Variants in ALOX15B observed in about 807,000 individuals in gnomAD.
ALOX15B encodes the protein arachidonate 15-lipoxygenase type B.
Under a neutral mutation model 73.8 loss-of-function variants are expected in ALOX15B, and 74 were observed. That is an observed-to-expected ratio of 1.00 (90% CI 0.83 to 1.22). The LOEUF (loss-of-function observed/expected upper bound fraction) is 1.22. ALOX15B is among the 50% of genes most tolerant of loss of function. The pLI is 0.00. For synonymous variants in ALOX15B, 353 were observed against 357.2 expected, an observed-to-expected ratio of 0.99 and a Z score of 0.13; for missense variants, 896 against 859.9, an observed-to-expected ratio of 1.04 and a Z score of -0.52.
Position 8,044,907 on chromosome 17 carries a change from G to A in ALOX15B, c.755G>A (p.Arg252His), listed in dbSNP as rs142322486. The A allele has an allele frequency of 4.5e-5, 72 of 1,613,900 alleles. No homozygotes were observed. The highest frequency in any genetic ancestry group is 1.9e-4 in the African/African-American group (14 of 74,944). The change falls in exon 6 of 14, where the codon CGC becomes CAC. Residue 252 changes from arginine (R) to histidine (H), a missense_variant. By Grantham distance (29) the Arg-to-His change is conservative. Coordinates refer to ENST00000380183, the MANE Select transcript of ALOX15B (RefSeq NM_001141.3). The stretch of plus-strand genomic sequence containing the variant: ...AATGGTCTCAACCCTGTCCTGATCC[G>A]CCGCTGTCACTACCTCCCAAAGAAC... ...FLNGLNPVLI[R>H]RCHYLPKNFP...
chr17:8,040,115 C>A (rs928710125), intron 3 of ALOX15B, 132 bp downstream of exon 3: 4 of 807,294 alleles, frequency 5.0e-6, no homozygotes, highest in African/African-American at 3.5e-5. Flanking sequence ...GGATCAGCAG[C>A]GTCTACAGGA....
At chr17:8,044,747 G>A (rs1390250459) in intron 5 of ALOX15B, 82 bp from the exon 6 acceptor site, 1 of 1,193,262 alleles carries the variant, frequency 8.4e-7, no homozygotes, top group Non-Finnish European at 1.2e-6. Context: ...TGGGAGCTGG[G>A]GTAACCCCGT....
Position 8,045,124 on chromosome 17 carries a change from G to A in ALOX15B, c.850-114G>A, listed in dbSNP as rs1976570057. 6.3e-6 allele frequency: 10 copies of A among 1,587,904 alleles called. No homozygotes were observed. The South Asian group carries it at 1.0e-4, about 16-fold the overall frequency. On this transcript the variant is annotated intron_variant, in intron 6 of 13. Transcript: ENST00000380183. ...GGACCTACCGCGTGCTGCGTGCCAA[G>A]CACACTCTCCCGAAACACACTCCTC... is the stretch of plus-strand genomic sequence containing the variant.
In ALOX15B at chr17:8,039,620, G is replaced by A. The variant is rs1230346569; in HGVS notation, c.367+15G>A. The A allele has an allele frequency of 1.5e-5, 18 of 1,177,564 alleles. No homozygotes were observed. Among genetic ancestry groups the A allele is most frequent in the Non-Finnish European group, 2.2e-5 (18 of 828,454 alleles). The allele number at this position is 1,177,564 out of a possible 1,614,324, so 72.9% of individuals were successfully genotyped here. On this transcript the variant is annotated intron_variant, in intron 2 of 13. Transcript: ENST00000380183. ...GGAGGGTACAGGTGAGGGGCGGGCC[G>A]GGCTGGGGCTGCAGGGGGAGCACAG...
In ALOX15B at chr17:8,047,064, G is replaced by A. The variant is rs776131969; in HGVS notation, c.1445G>A (p.Gly482Asp). 6.8e-6 allele frequency: 11 copies of A among 1,613,616 alleles called. No individual in the cohort carries two copies. In the African/African-American group the frequency reaches 1.2e-4, roughly 18 times the overall value. The change falls in exon 10 of 14, where the codon GGT (glycine) becomes GAT (aspartate). Residue 482 changes from glycine (G) to aspartate (D), a missense_variant. Transcript: ENST00000380183. Reference protein sequence around the residue: ...YYRDDGMQIWGAVERFVSEII... With the variant: ...YYRDDGMQIWDAVERFVSEII... ...CGTGATGATGGGATGCAGATCTGGG[G>A]TGCAGTGGAACGGTGAGGGGCCGTC...
intron 5 of ALOX15B, among the ~76,000 whole-genome samples, chr17:8,043,611 G>A (rs1025487072): frequency 2.6e-5 from 4 of 152,192 alleles, no homozygotes; most frequent in African/African-American, 9.7e-5. Context: ...CTGCTGGGGG[G>A]CAAGAGACTA....
chr17:8,045,664 C>T lies in ALOX15B; in HGVS notation c.1178C>T (p.Pro393Leu), dbSNP rs1359482693. 1 of 1,613,994 alleles carries T rather than the reference C, an allele frequency of 6.2e-7. No individual in the cohort carries two copies. The highest frequency in any genetic ancestry group is 2.2e-5 in the East Asian group (1 of 44,886). The stretch of plus-strand genomic sequence containing the variant: ...ACCCTGGCTACCCTGCGTCAGCTGC[C>T]CCACTGCCACCCTCTCTTCAAGGTC... ...VFTLATLRQL[P>L]HCHPLFKLLI... Residue 393 changes from proline to leucine, a missense_variant, in exon 8 of 14, where the codon CCC (proline) becomes CTC (leucine). By Grantham distance (98) the Pro-to-Leu change is moderately conservative. Transcript: ENST00000380183.
At position 8,045,311 on chromosome 17, in the gene ALOX15B, A is replaced by G. The variant is rs767381071; in HGVS notation, c.923A>G (p.Gln308Arg). ...ACCAATGTCATTAATGGGAAGCCTCAGTTCTCTGCGGCCCCAATGACCCTG... is the reference window on the plus strand; with the variant it reads ...ACCAATGTCATTAATGGGAAGCCTCGGTTCTCTGCGGCCCCAATGACCCTG... Reference protein sequence around the residue: ...IQTNVINGKPQFSAAPMTLLY... With the variant: ...IQTNVINGKPRFSAAPMTLLY... Residue 308 changes from glutamine to arginine, a missense_variant, in exon 7 of 14, where the codon CAG becomes CGG. Coordinates refer to ENST00000380183, the MANE Select transcript of ALOX15B (RefSeq NM_001141.3). 6.2e-7 allele frequency: 1 copy of G among 1,614,144 alleles called. No individual in the cohort carries two copies.
chr17:8,046,853 C>T (rs1402757130), intron 9 of ALOX15B, 54 bp from the exon 10 acceptor site: 1 of 1,611,394 alleles, frequency 6.2e-7, no homozygotes, highest in Non-Finnish European at 8.5e-7. Context: ...GACACCAGTG[C>T]TACCTCCTGC....
Position 8,047,379 on chromosome 17 carries a change from G to A in ALOX15B, c.1579G>A (p.Gly527Ser), listed in dbSNP as rs1976639775. 2 of 1,613,870 alleles carry A rather than the reference G, an allele frequency of 1.2e-6. No homozygotes were observed. Among genetic ancestry groups the A allele is most frequent in the East Asian group, 2.2e-5 (1 of 44,880 alleles). Residue 527 changes from glycine (G) to serine (S), a missense_variant and splice_region_variant, in exon 11 of 14, where the codon GGT becomes AGT. Gly to Ser is a moderately conservative substitution (Grantham distance 56, BLOSUM62 0). Transcript: ENST00000380183. ...GGGCTTCCTAAACCAGGAGAGCTCA[G>A]GTACAGGGACCTCAGCCCTCAGGCG... ...SKGFLNQESSGIPSSLETREA... is the reference protein window; with the variant it reads ...SKGFLNQESSSIPSSLETREA...
In ALOX15B at chr17:8,047,541, T is replaced by G. The variant is rs1242630957; in HGVS notation, c.1580-23T>G. 11 of 1,566,448 alleles carry G rather than the reference T, an allele frequency of 7.0e-6. No individual in the cohort carries two copies. In the Admixed American group the frequency reaches 7.4e-5, roughly 10 times the overall value. On this transcript the variant is annotated intron_variant, in intron 11 of 13. Transcript: ENST00000380183. ...GGTCCTCAGGTCCCTGGAAGCCCCA[T>G]CCCAGCCCAGCTCTCCTTGCAGGTA...
chr17:8,039,223 C>A lies in ALOX15B; in HGVS notation c.68C>A (p.Ser23Tyr). 1 of 1,610,744 alleles carries A rather than the reference C, an allele frequency of 6.2e-7. No homozygotes were observed. Among genetic ancestry groups the A allele is most frequent in the South Asian group, 1.1e-5 (1 of 90,524 alleles). The change falls in exon 1 of 14, where the codon TCT becomes TAT. Residue 23 changes from serine to tyrosine, a missense_variant. Transcript: ENST00000380183. ...GGGGCTGGCACATGGGACAAAGTGT[C>A]TGTCAGCATCGTGGGGACCCGGGGA... ...AFGAGTWDKV[S>Y]VSIVGTRGES...
Position 8,048,705 on chromosome 17 carries a change from C to A in ALOX15B, c.*140C>A. 1.2e-6 allele frequency: 1 copy of A among 853,832 alleles called. No homozygotes were observed. The highest frequency in any genetic ancestry group is 1.8e-6 in the Non-Finnish European group (1 of 570,250). 52.9% of individuals were successfully genotyped at this position (853,832 alleles called of 1,614,324 possible). A position where few individuals can be genotyped will look rare whatever the true frequency, so the allele number is the denominator to read the frequency against. ...GGACAACCAGACTCTGTAACTCACC[C>A]CCACCACCATACACACACACAAAAA... is the stretch of plus-strand genomic sequence containing the variant. On this transcript the variant is annotated 3_prime_UTR_variant, in exon 14 of 14. Coordinates refer to ENST00000380183, the MANE Select transcript of ALOX15B (RefSeq NM_001141.3).
intron 1 of ALOX15B, 21 bp downstream of exon 1, chr17:8,039,323 G>T (rs1346414245): frequency 3.2e-6 from 5 of 1,586,712 alleles, no homozygotes; most frequent in Non-Finnish European, 4.3e-6. Context: ...GGGAGTGGAT[G>T]GGGTGGAGGT....
At chr17:8,041,088 G>A (rs920971941) in intron 3 of ALOX15B, among the ~76,000 whole-genome samples, 2 of 152,176 alleles carry the variant, frequency 1.3e-5, no homozygotes, top group African/African-American at 4.8e-5. Context: ...CATGTGTCAT[G>A]AATTCCACCC....
chr17:8,041,636 A>G (rs552823847), intron 3 of ALOX15B, among the ~76,000 whole-genome samples: 1 of 152,388 alleles, frequency 6.6e-6, no homozygotes, highest in East Asian at 1.9e-4. Context: ...GAATGAATCA[A>G]AGAATGAATG....
chr17:8,047,219 CG>C (rs1218285809), intron 10 of ALOX15B, 38 bp from the exon 11 acceptor site: 19 of 1,612,822 alleles, frequency 1.2e-5, no homozygotes, highest in Non-Finnish European at 1.4e-5. Flanking sequence ...CAGAGCGGGT[CG>C]GGGTTGGAGG....
At chr17:8,040,037 T>C (rs1976395311) in intron 3 of ALOX15B, 54 bp downstream of exon 3, 2 of 1,543,284 alleles carry the variant, frequency 1.3e-6, no homozygotes, top group African/African-American at 1.4e-5. Flanking sequence ...GAGGGGCAGC[T>C]TGAGTGTCCT....
intron 5 of ALOX15B, among the ~76,000 whole-genome samples, chr17:8,044,180 C>T (rs1011034158): frequency 2.3e-5 from 3 of 133,136 alleles, no homozygotes; most frequent in Non-Finnish European, 5.0e-5. Context: ...AAGGAAAAGG[C>T]GGAAGCTGAG....
Sources: gnomAD v4.1 joint callset for allele counts (sites outside exome capture counted in the v4.1 genomes callset) on GRCh38, gnomAD v4.1.1 for gene constraint, MANE v1.5 for transcripts, NCBI Gene and HGNC (gene_info 2026-07-23, HGNC 2026-07-21) for gene names.